The following ITGAM variants were observed in gnomAD, a reference collection of about 807,000 sequenced individuals.
ITGAM encodes the protein integrin alpha-M.
ITGAM carries 79 observed loss-of-function variants against 137.5 expected under a neutral mutation model. That is an observed-to-expected ratio of 0.57 (90% CI 0.48 to 0.69). ITGAM has a LOEUF of 0.69. Ranked by LOEUF, ITGAM falls within the 30% of genes least tolerant of loss-of-function variation. The pLI, the probability that ITGAM is intolerant of heterozygous loss-of-function variation, is 0.00. For synonymous variants in ITGAM, 583 were observed against 592.3 expected (o/e 0.98, Z 0.23); for missense variants, 1,343 against 1,483.5 (o/e 0.91, Z 1.56).
chr16:31,275,691 C>T lies in ITGAM; in HGVS notation c.1001C>T (p.Ala334Val), dbSNP rs563980365. The T allele has an allele frequency of 1.4e-5, 22 of 1,613,660 alleles. No individual in the cohort carries two copies. Among genetic ancestry groups the T allele is most frequent in the East Asian group, 6.7e-5 (3 of 44,864 alleles). Residue 334 changes from alanine to valine, a missense_variant, in exon 9 of 30, where the codon GCG becomes GTG. By Grantham distance (64) the Ala-to-Val change is moderately conservative. Transcript: ENST00000544665. Reference protein sequence around the residue: ...IQNQLREKIFAIEGTQTGSSS... With the variant: ...IQNQLREKIFVIEGTQTGSSS... ...AACCAGCTTCGGGAGAAGATCTTTGCGATCGAGGGTGAGTCAGGCATCTGT... is the reference window on the plus strand; with the variant it reads ...AACCAGCTTCGGGAGAAGATCTTTGTGATCGAGGGTGAGTCAGGCATCTGT...
intron 23 of ITGAM, chr16:31,328,957 CGTGT>C (rs200722553): frequency 2.7e-5 from 15 of 552,326 alleles, no homozygotes; most frequent in African/African-American, 1.3e-4. Flanking sequence ...TGTATTTGTG[CGTGT>C]GTGTGTCTGA....
chr16:31,323,169 C>G lies in ITGAM; in HGVS notation c.2003-1230C>G, dbSNP rs538668038. Among the ~76,000 whole-genome samples, 14 of 152,178 alleles carry G rather than the reference C, an allele frequency of 9.2e-5. No individual in the cohort carries two copies. The South Asian group carries it at 2.9e-3, about 32-fold the overall frequency. On this transcript the variant is annotated intron_variant, in intron 16 of 29. Transcript: ENST00000544665. ...CAAACTGGCCAGTCACGGTGGCTCA[C>G]GCCTGTAATCCCAGCACTTTGGGAG...
At chr16:31,297,383 G>A in intron 12 of ITGAM, 131 bp from the exon 13 acceptor site, 2 of 1,187,452 alleles carry the variant, frequency 1.7e-6, no homozygotes, top group Non-Finnish European at 2.4e-6. Flanking sequence ...AATTTATCAT[G>A]AACCATATAG....
intron 28 of ITGAM, 69 bp downstream of exon 28, chr16:31,330,674 G>GGA: frequency 1.8e-6 from 2 of 1,121,134 alleles, no homozygotes; most frequent in Middle Eastern, 2.2e-4. Context: ...TTCTGGGGGA[G>GGA]GAGAGAGAGA....
chr16:31,312,643 G>A (rs571363110), intron 14 of ITGAM, among the ~76,000 whole-genome samples: 2 of 152,134 alleles, frequency 1.3e-5, no homozygotes, highest in African/African-American at 4.8e-5. Flanking sequence ...TTCCCAGGCT[G>A]GTCTCCAACT....
In ITGAM at chr16:31,261,513, G is replaced by GT. The variant is rs796773359; in HGVS notation, c.29-169dup. Among the ~76,000 whole-genome samples, 344 of 144,772 alleles carry GT rather than the reference G, an allele frequency of 2.4e-3. 1 individual carries two copies. The highest frequency in any genetic ancestry group is 0.017 in the East Asian group (84 of 4,996). 95.0% of individuals were successfully genotyped at this position (144,772 alleles called of 152,430 possible). A position where few individuals can be genotyped will look rare whatever the true frequency, so the allele number is the denominator to read the frequency against. On this transcript the variant is annotated intron_variant, in intron 1 of 29. Coordinates refer to ENST00000544665, the MANE Select transcript of ITGAM (RefSeq NM_000632.4). ...TTCTTTTAAATTATTATTAGTTTTT[G>GT]TTTTTTTTTTGTATTTAATTTTGAG... is the stretch of plus-strand genomic sequence containing the variant.
chr16:31,264,241 GTT>G (rs2079738520), intron 2 of ITGAM, among the ~76,000 whole-genome samples: 1 of 152,006 alleles, frequency 6.6e-6, no homozygotes, highest in Non-Finnish European at 1.5e-5. Flanking sequence ...GAAGCCAGGA[GTT>G]CGAGACTACC....
intron 14 of ITGAM, 29 bp from the exon 15 acceptor site, chr16:31,321,212 C>A: frequency 6.2e-7 from 1 of 1,612,704 alleles, no homozygotes; most frequent in Non-Finnish European, 8.5e-7. Context: ...CTACCCCTTT[C>A]TCTCTCCACA....
At chr16:31,290,462 G>A (rs998812872) in intron 12 of ITGAM, among the ~76,000 whole-genome samples, 2 of 152,088 alleles carry the variant, frequency 1.3e-5, no homozygotes, top group African/African-American at 4.8e-5. Flanking sequence ...CACCATAACA[G>A]CAGATTAAAG....
At chr16:31,328,362 A>C (rs997189353) in intron 23 of ITGAM, 132 bp downstream of exon 23, 11 of 722,524 alleles carry the variant, frequency 1.5e-5, no homozygotes, top group East Asian at 2.6e-5. Context: ...GTATGTGTGC[A>C]TGGGTGTGTA....
chr16:31,263,753 T>C (rs1319414504), intron 2 of ITGAM, among the ~76,000 whole-genome samples: 1 of 150,988 alleles, frequency 6.6e-6, no homozygotes, highest in African/African-American at 2.4e-5. Context: ...CTCTCCCTTG[T>C]GTATTATTTT....
chr16:31,312,595 A>T (rs8056276), intron 14 of ITGAM, among the ~76,000 whole-genome samples: 38,211 of 151,744 alleles, frequency 0.25, 7,895 homozygotes, highest in African/African-American at 0.57. Flanking sequence ...CCTGGCTAAT[A>T]TTTAAATTTC....
chr16:31,297,546 C>G lies in ITGAM; in HGVS notation c.1389C>G (p.Ser463=). 3 of 1,612,078 alleles carry G rather than the reference C, an allele frequency of 1.9e-6. No homozygotes were observed. Among genetic ancestry groups the G allele is most frequent in the Non-Finnish European group, 2.5e-6 (3 of 1,179,856 alleles). ...CCTACTTCGGGGCCTCCCTCTGCTC[C>G]GTGGACGTGGACAGCAACGGCAGCA... is the stretch of plus-strand genomic sequence containing the variant. ...IGAYFGASLC[S]VDVDSNGSTD... The change falls in exon 13 of 30, where the codon TCC becomes TCG. Residue 463 remains serine (S), a synonymous_variant. Coordinates refer to ENST00000544665, the MANE Select transcript of ITGAM (RefSeq NM_000632.4).
chr16:31,301,540 C>A (rs1488261329), intron 14 of ITGAM, among the ~76,000 whole-genome samples: 2 of 152,116 alleles, frequency 1.3e-5, no homozygotes, highest in Admixed American at 1.3e-4. Context: ...CTTATATTCG[C>A]TTTAGAAAAC....
chr16:31,263,641 C>T (rs1342002873), intron 2 of ITGAM, among the ~76,000 whole-genome samples: 1 of 141,204 alleles, frequency 7.1e-6, no homozygotes. Context: ...ACATGTTTTT[C>T]TTATCTGTTG....
rs2080550817 is a variant in ITGAM, at chr16:31,329,323, G to A, written c.2868+20G>A. 2 of 1,567,640 alleles carry A rather than the reference G, an allele frequency of 1.3e-6. No homozygotes were observed. Among genetic ancestry groups the A allele is most frequent in the Non-Finnish European group, 1.8e-6 (2 of 1,138,784 alleles). On this transcript the variant is annotated intron_variant, in intron 24 of 29. Transcript: ENST00000544665. ...TATCAGGTGGGCAGCTGGGACGTCT[G>A]GGTCCTGAGAAGGAGGCTGGGGAGG...
At chr16:31,331,530 C>CG in intron 29 of ITGAM, 106 bp from the exon 30 acceptor site, 1 of 661,474 alleles carries the variant, frequency 1.5e-6, no homozygotes. Context: ...CCCCGCCCTC[C>CG]TGGGTCCCTT....
intron 7 of ITGAM, among the ~76,000 whole-genome samples, chr16:31,272,423 CTATATATATATATATATATA>C (rs1307190696): frequency 0.049 from 1,525 of 31,414 alleles, 43 homozygotes; most frequent in African/African-American, 0.055. Context: ...GGCCAATTAA[CTATATATATATATATATATA>C]TATATATATA....
intron 12 of ITGAM, among the ~76,000 whole-genome samples, chr16:31,278,833 A>T (rs541928272): frequency 1.3e-5 from 2 of 152,244 alleles, no homozygotes; most frequent in South Asian, 4.2e-4. Flanking sequence ...GGTGTGTTGC[A>T]CCCATTAGCT....
Sources: allele counts gnomAD v4.1 joint callset (sites outside exome capture counted in the v4.1 genomes callset), GRCh38; gene constraint gnomAD v4.1.1; transcripts MANE v1.5; gene names NCBI Gene and HGNC (gene_info 2026-07-23, HGNC 2026-07-21).